The following BRINP3 variants were observed in gnomAD, a reference collection of about 807,000 sequenced individuals.
BRINP3 encodes BMP/retinoic acid-inducible neural-specific protein 3.
In BRINP3, 19 loss-of-function variants were observed where a neutral mutation model predicts 71.0. The observed-to-expected ratio is 0.27, with a 90% CI of 0.19 to 0.39. The LOEUF (loss-of-function observed/expected upper bound fraction) is 0.39, where lower values mean the gene tolerates loss of function less well. Among genes scored for constraint, BRINP3 ranks in the 10% least tolerant of loss-of-function variants. BRINP3 has a pLI of 1.00. For missense variants in BRINP3, 959 were observed against 940.8 expected (o/e 1.02, Z -0.25); for synonymous variants, 380 against 337.7 (o/e 1.13, Z -1.37).
At chr1:190,322,453 T>C (rs544448436) in intron 2 of BRINP3, among the ~76,000 whole-genome samples, 1 of 152,136 alleles carries the variant, frequency 6.6e-6, no homozygotes, top group East Asian at 1.9e-4. Context: ...TATTTCTCAC[T>C]TGTGACAGAA....
chr1:190,257,194 C>CT (rs1322826096), intron 4 of BRINP3, among the ~76,000 whole-genome samples: 16 of 152,148 alleles, frequency 1.1e-4, no homozygotes, highest in Non-Finnish European at 4.4e-5. Context: ...TCTTTTTACT[C>CT]TTTTTTCTCT....
chr1:190,277,294 C>T (rs1316436748), intron 3 of BRINP3, among the ~76,000 whole-genome samples: 1 of 150,478 alleles, frequency 6.6e-6, no homozygotes, highest in East Asian at 2.0e-4. Flanking sequence ...TACTCTTCCT[C>T]CTTTTGTGGA....
chr1:190,294,840 C>T (rs947082755), intron 2 of BRINP3, among the ~76,000 whole-genome samples: 5 of 151,770 alleles, frequency 3.3e-5, no homozygotes, highest in African/African-American at 7.3e-5. Flanking sequence ...TAAAGGGTGC[C>T]CTGACCCTAG....
intron 7 of BRINP3, among the ~76,000 whole-genome samples, chr1:190,105,188 C>G (rs1456304980): frequency 6.6e-6 from 1 of 152,018 alleles, no homozygotes; most frequent in Non-Finnish European, 1.5e-5. Context: ...GTTGACACTC[C>G]TGACACACAA....
At chr1:190,378,766 T>C (rs151221973) in intron 2 of BRINP3, among the ~76,000 whole-genome samples, 2 of 152,304 alleles carry the variant, frequency 1.3e-5, no homozygotes, top group East Asian at 3.9e-4. Flanking sequence ...TCCCCTCCAA[T>C]GCAACAGTGA....
At chr1:190,381,789 C>T (rs976626852) in intron 2 of BRINP3, among the ~76,000 whole-genome samples, 4 of 152,064 alleles carry the variant, frequency 2.6e-5, no homozygotes, top group African/African-American at 9.7e-5. Context: ...ACTTGTAGGT[C>T]CTAGGCATAT....
rs373952812 is a variant in BRINP3 at position 190,136,679 on chromosome 1, A to G, written c.1184+23989T>C. 1.8e-4 allele frequency among the ~76,000 whole-genome samples: 27 copies of G among 152,258 alleles called. No individual in the cohort carries two copies. In the South Asian group the frequency reaches 5.6e-3, roughly 32 times the overall value. ...TTCCATCATCTAATTCAAATTTTTCATATAGTCTGCATAAGTCTTGTAATT... is the reference window on the plus strand; with the variant it reads ...TTCCATCATCTAATTCAAATTTTTCGTATAGTCTGCATAAGTCTTGTAATT... On this transcript the variant is annotated intron_variant, in intron 7 of 7. Coordinates refer to ENST00000367462, the MANE Select transcript of BRINP3 (RefSeq NM_199051.3).
chr1:190,327,814 G>A (rs1331331642), intron 2 of BRINP3, among the ~76,000 whole-genome samples: 1 of 152,020 alleles, frequency 6.6e-6, no homozygotes, highest in Admixed American at 6.6e-5. Context: ...TAATAGACAT[G>A]TACAGAATAA....
At chr1:190,338,040 A>G (rs1667406533) in intron 2 of BRINP3, among the ~76,000 whole-genome samples, 1 of 152,062 alleles carries the variant, frequency 6.6e-6, no homozygotes, top group African/African-American at 2.4e-5. Flanking sequence ...TATTCCATTT[A>G]GTCTACATAA....
intron 6 of BRINP3, among the ~76,000 whole-genome samples, chr1:190,171,991 C>T (rs1246166219): frequency 6.6e-6 from 1 of 150,684 alleles, no homozygotes; most frequent in African/African-American, 2.4e-5. Context: ...GTCCCAACTA[C>T]TCAGGAGGCT....
chr1:190,444,509 TTTTA>T (rs1353545128), intron 2 of BRINP3, among the ~76,000 whole-genome samples: 2 of 151,660 alleles, frequency 1.3e-5, no homozygotes, highest in South Asian at 2.1e-4. Context: ...ATAGTATGCT[TTTTA>T]TTTATTTATT....
chr1:190,303,077 C>T (rs943814843), intron 2 of BRINP3, among the ~76,000 whole-genome samples: 36 of 151,494 alleles, frequency 2.4e-4, no homozygotes, highest in African/African-American at 7.5e-4. Flanking sequence ...AAAAACATAA[C>T]GATAATTCTT....
Position 190,166,439 on chromosome 1 carries a change from A to G in BRINP3, c.962-5549T>C, listed in dbSNP as rs932571194. Among the ~76,000 whole-genome samples, 6 of 152,304 alleles carry G rather than the reference A, an allele frequency of 3.9e-5. No homozygotes were observed. In the East Asian group the frequency reaches 1.2e-3, roughly 29 times the overall value. ...TTATGACCCCATTCATCTGTTTGAG[A>G]AATTACTCAAATACAGCCTTATCTC... On this transcript the variant is annotated intron_variant, in intron 6 of 7. Coordinates refer to ENST00000367462, the MANE Select transcript of BRINP3 (RefSeq NM_199051.3).
intron 1 of BRINP3, among the ~76,000 whole-genome samples, chr1:190,476,987 G>T (rs572326394): frequency 6.6e-6 from 1 of 152,258 alleles, no homozygotes; most frequent in Non-Finnish European, 1.5e-5. Flanking sequence ...TCATGTAATT[G>T]CTTATCATGA....
At chr1:190,108,840 C>T (rs535050669) in intron 7 of BRINP3, among the ~76,000 whole-genome samples, 1 of 151,928 alleles carries the variant, frequency 6.6e-6, no homozygotes, top group South Asian at 2.1e-4. Flanking sequence ...TATCAGCAAT[C>T]ACGCAAATCA....
intron 3 of BRINP3, among the ~76,000 whole-genome samples, chr1:190,277,525 G>T (rs1662689007): frequency 6.6e-6 from 1 of 151,496 alleles, no homozygotes; most frequent in South Asian, 2.1e-4. Flanking sequence ...TGGTCTCTAT[G>T]TTCCTTAGTG....
chr1:190,385,821 G>C (rs1392883648), intron 2 of BRINP3, among the ~76,000 whole-genome samples: 3 of 150,768 alleles, frequency 2.0e-5, no homozygotes, highest in Non-Finnish European at 4.4e-5. Flanking sequence ...GCAAAGACTT[G>C]GAACCAACCC....
chr1:190,212,461 A>T (rs1656070442), intron 6 of BRINP3, among the ~76,000 whole-genome samples: 1 of 152,156 alleles, frequency 6.6e-6, no homozygotes, highest in Non-Finnish European at 1.5e-5. Context: ...GCAAGTATAG[A>T]AGACTGGAAA....
intron 2 of BRINP3, among the ~76,000 whole-genome samples, chr1:190,401,628 A>G (rs891043808): frequency 2.0e-5 from 3 of 152,046 alleles, no homozygotes. Context: ...TGTGGGATGA[A>G]CAAGATCTCC....
Sources: gnomAD v4.1 joint callset for allele counts (sites outside exome capture counted in the v4.1 genomes callset) on GRCh38, gnomAD v4.1.1 for gene constraint, MANE v1.5 for transcripts, NCBI Gene and HGNC (gene_info 2026-07-23, HGNC 2026-07-21) for gene names.